The following POU6F2 variants were observed in gnomAD, a reference collection of about 807,000 sequenced individuals.
POU6F2 encodes POU class 6 homeobox 2.
Under a neutral mutation model 71.3 loss-of-function variants are expected in POU6F2, and 31 were observed. That is an observed-to-expected ratio of 0.43 (90% CI 0.33 to 0.59). The LOEUF (loss-of-function observed/expected upper bound fraction) is 0.59. Among genes scored for constraint, POU6F2 ranks in the 20% least tolerant of loss-of-function variants. POU6F2 has a pLI of 0.04. For synonymous variants in POU6F2, 347 were observed against 355.7 expected (o/e 0.98, Z 0.27); for missense variants, 783 against 856.8 (o/e 0.91, Z 1.07).
In POU6F2 at chr7:39,207,458, C is replaced by G. The variant is rs2128745927; in HGVS notation, c.436C>G (p.Leu146Val). The G allele has an allele frequency of 6.2e-7, 1 of 1,614,040 alleles. No homozygotes were observed. Among genetic ancestry groups the G allele is most frequent in the South Asian group, 1.1e-5 (1 of 91,088 alleles). Reference sequence around the variant, plus strand: ...CGTGATGCCGGGAGGCCCCCCAGCCCTCAACCAGCCAATCCTCATTCCCTT... The same window carrying G: ...CGTGATGCCGGGAGGCCCCCCAGCCGTCAACCAGCCAATCCTCATTCCCTT... ...AGVMPGGPPA[L>V]NQPILIPFNM... Residue 146 changes from leucine to valine, a missense_variant, in exon 4 of 10, where the codon CTC becomes GTC. By Grantham distance (32) the Leu-to-Val change is conservative. This residue lies in a region of POU6F2 where 572 missense variants were observed against 572.9 expected (regional missense o/e 1.00). Transcript: ENST00000518318.
At chr7:39,026,524 C>T (rs928104191) in intron 1 of POU6F2, among the ~76,000 whole-genome samples, 3 of 152,026 alleles carry the variant, frequency 2.0e-5, no homozygotes, top group Admixed American at 2.0e-4. Flanking sequence ...ACCGCATGTT[C>T]TCAGTCATAG....
intron 2 of POU6F2, among the ~76,000 whole-genome samples, chr7:39,187,792 C>A (rs1038303401): frequency 1.3e-5 from 2 of 152,230 alleles, no homozygotes; most frequent in Non-Finnish European, 2.9e-5. Context: ...TGTTTCGGAA[C>A]ACCGGATACA....
At chr7:39,262,472 A>C (rs1162358141) in intron 4 of POU6F2, among the ~76,000 whole-genome samples, 1 of 152,222 alleles carries the variant, frequency 6.6e-6, no homozygotes, top group East Asian at 1.9e-4. Context: ...TCCACATTGG[A>C]TCACTGTTCA....
intron 6 of POU6F2, among the ~76,000 whole-genome samples, chr7:39,423,803 A>T (rs1438293969): frequency 6.6e-6 from 1 of 152,190 alleles, no homozygotes; most frequent in African/African-American, 2.4e-5. Flanking sequence ...AAACAGAATT[A>T]CATATAGTGC....
At chr7:39,055,693 A>G (rs777521278) in intron 1 of POU6F2, among the ~76,000 whole-genome samples, 1 of 152,112 alleles carries the variant, frequency 6.6e-6, no homozygotes, top group Admixed American at 6.6e-5. Context: ...ACAAAAGTAC[A>G]AAGCAGGTAA....
intron 4 of POU6F2, among the ~76,000 whole-genome samples, chr7:39,265,894 T>C (rs962030940): frequency 6.6e-6 from 1 of 152,210 alleles, no homozygotes; most frequent in Non-Finnish European, 1.5e-5. Context: ...TCAAATTAAT[T>C]ACAAGTGTCT....
chr7:39,249,973 A>G (rs182685726), intron 4 of POU6F2, among the ~76,000 whole-genome samples: 11 of 152,322 alleles, frequency 7.2e-5, no homozygotes, highest in Non-Finnish European at 1.3e-4. Flanking sequence ...AAGACTGTAT[A>G]ATAACAATGC....
Position 39,141,062 on chromosome 7 carries a change from T to A in POU6F2, c.277+55031T>A, listed in dbSNP as rs565022375. Among the ~76,000 whole-genome samples, 3 of 152,286 alleles carry A rather than the reference T, an allele frequency of 2.0e-5. No individual in the cohort carries two copies. In the East Asian group the frequency reaches 5.8e-4, roughly 29 times the overall value. Reference sequence around the variant, plus strand: ...AGTTATTCCGAGCACTCCCTGAGCCTCCTGGTGCTTTGACTTAACTCACAC... The same window carrying A: ...AGTTATTCCGAGCACTCCCTGAGCCACCTGGTGCTTTGACTTAACTCACAC... On this transcript the variant is annotated intron_variant, in intron 2 of 9. Transcript: ENST00000518318.
chr7:39,070,714 C>T (rs578032406), intron 1 of POU6F2, among the ~76,000 whole-genome samples: 53 of 152,278 alleles, frequency 3.5e-4, no homozygotes, highest in South Asian at 1.2e-3. Flanking sequence ...GCTGTGCCCA[C>T]GGGTCCCTTC....
intron 1 of POU6F2, among the ~76,000 whole-genome samples, chr7:39,051,889 G>T (rs146213398): frequency 2.2e-4 from 34 of 152,210 alleles, no homozygotes; most frequent in African/African-American, 8.2e-4. Flanking sequence ...GAAGCTGAGG[G>T]TGTCCTTGTC....
chr7:39,339,098 CAGTT>C lies in POU6F2; in HGVS notation c.599-541_599-538del, dbSNP rs916943685. On this transcript the variant is annotated intron_variant, in intron 4 of 9. Transcript: ENST00000518318. ...TTGAATTTTTAAAAAAAAAAAAAAA[CAGTT>C]AGAAATTTGACACTAAGACATCTAA... Among the ~76,000 whole-genome samples, 42 of 142,720 alleles carry C rather than the reference CAGTT, an allele frequency of 2.9e-4. 2 individuals carry two copies. The highest frequency in any genetic ancestry group is 7.3e-3 in the Middle Eastern group (2 of 274). The allele number at this position is 142,720 out of a possible 152,430, so 93.6% of individuals were successfully genotyped here. A position where few individuals can be genotyped will look rare whatever the true frequency, so the allele number is the denominator to read the frequency against.
chr7:39,077,563 G>C (rs555368740), intron 1 of POU6F2, among the ~76,000 whole-genome samples: 4 of 152,152 alleles, frequency 2.6e-5, no homozygotes, highest in Admixed American at 6.5e-5. Flanking sequence ...TTAAGAGGAC[G>C]TGGCATTCAT....
Position 39,433,134 on chromosome 7 carries a change from G to C in POU6F2, c.1171G>C (p.Gly391Arg). Residue 391 changes from glycine to arginine, a missense_variant, in exon 7 of 10, where the codon GGC becomes CGC. This residue lies in a region of POU6F2 where 572 missense variants were observed against 572.9 expected (regional missense o/e 1.00). Coordinates refer to ENST00000518318, the MANE Select transcript of POU6F2 (RefSeq NM_001370959.1). ...AGGGCCATCGAGCCAAGCAGCAAGCGGCACTCAGGGCTTGCAAGTGCAGCC... is the reference window on the plus strand; with the variant it reads ...AGGGCCATCGAGCCAAGCAGCAAGCCGCACTCAGGGCTTGCAAGTGCAGCC... ...NPGPSSQAAS[G>R]TQGLQVQPIT... The C allele has an allele frequency of 6.2e-7, 1 of 1,613,510 alleles. No individual in the cohort carries two copies. Among genetic ancestry groups the C allele is most frequent in the Non-Finnish European group, 8.5e-7 (1 of 1,179,722 alleles).
At chr7:39,463,631 A>G (rs529577845) in intron 9 of POU6F2, among the ~76,000 whole-genome samples, 2 of 152,338 alleles carry the variant, frequency 1.3e-5, no homozygotes, top group South Asian at 4.1e-4. Flanking sequence ...GACACAAAAG[A>G]GAGATAAAAA....
At chr7:39,164,085 A>C (rs1211838993) in intron 2 of POU6F2, among the ~76,000 whole-genome samples, 1 of 152,064 alleles carries the variant, frequency 6.6e-6, no homozygotes, top group Non-Finnish European at 1.5e-5. Context: ...TAAGAGGGTA[A>C]ATTTTTAAGA....
chr7:39,119,128 G>GA (rs1791991022), intron 2 of POU6F2, among the ~76,000 whole-genome samples: 1 of 152,144 alleles, frequency 6.6e-6, no homozygotes, highest in African/African-American at 2.4e-5. Flanking sequence ...ACGGGACCCA[G>GA]GAAAGAGGTG....
intron 1 of POU6F2, among the ~76,000 whole-genome samples, chr7:38,998,085 A>G (rs1788789796): frequency 6.6e-6 from 1 of 152,202 alleles, no homozygotes; most frequent in African/African-American, 2.4e-5. Flanking sequence ...AATTCTTTTT[A>G]TATGTACATT....
chr7:39,029,498 G>A lies in POU6F2; in HGVS notation c.105+51440G>A, dbSNP rs1414791437. ...TCAAAAATAACATTTCTGGGAGGGG[G>A]GGGTGGATGATGAGAAATTATATAG... On this transcript the variant is annotated intron_variant, in intron 1 of 9. Coordinates refer to ENST00000518318, the MANE Select transcript of POU6F2 (RefSeq NM_001370959.1). Among the ~76,000 whole-genome samples the A allele has an allele frequency of 9.9e-5, 15 of 151,756 alleles. No homozygotes were observed. The South Asian group carries it at 2.7e-3, about 27-fold the overall frequency.
chr7:39,189,352 G>C (rs1793610412), intron 2 of POU6F2, among the ~76,000 whole-genome samples: 1 of 146,686 alleles, frequency 6.8e-6, no homozygotes, highest in Non-Finnish European at 1.5e-5. Context: ...CAAATAGTTT[G>C]TTTTTGTGGT....
Sources: gnomAD v4.1 joint callset for allele counts (sites outside exome capture counted in the v4.1 genomes callset) on GRCh38, gnomAD v4.1.1 for gene constraint, gnomAD v4.1.1 regional missense constraint, MANE v1.5 for transcripts, NCBI Gene and HGNC (gene_info 2026-07-23, HGNC 2026-07-21) for gene names.